LATS2: variants seen among roughly 807,000 people sequenced by gnomAD.
LATS2 encodes the protein large tumor suppressor kinase 2, also known as serine/threonine-protein kinase LATS2.
A neutral mutation model predicts 76.0 loss-of-function variants in LATS2; 24 were observed. The observed-to-expected ratio is 0.32, with a 90% CI of 0.23 to 0.44. The LOEUF (loss-of-function observed/expected upper bound fraction) is 0.44, where lower values mean the gene tolerates loss of function less well. Among genes scored for constraint, LATS2 ranks in the 20% least tolerant of loss-of-function variants. LATS2 has a pLI of 1.00. For synonymous variants in LATS2, 692 were observed against 635.4 expected (o/e 1.09, Z -1.34); for missense variants, 1,286 against 1,481.2 (o/e 0.87, Z 2.16).
intron 3 of LATS2, among the ~76,000 whole-genome samples, chr13:20,990,195 C>T (rs1870444024): frequency 6.6e-6 from 1 of 152,194 alleles, no homozygotes; most frequent in African/African-American, 2.4e-5. Context: ...ACACCAAAGG[C>T]AAGTGCAGAG....
intron 4 of LATS2, among the ~76,000 whole-genome samples, chr13:20,986,395 A>G (rs1165016553): frequency 1.3e-5 from 2 of 152,200 alleles, no homozygotes; most frequent in African/African-American, 4.8e-5. Flanking sequence ...ATGAACAGAT[A>G]AAGAAAATGT....
chr13:21,004,030 A>C (rs1317948465), intron 2 of LATS2, among the ~76,000 whole-genome samples: 2 of 152,262 alleles, frequency 1.3e-5, no homozygotes, highest in Non-Finnish European at 2.9e-5. Context: ...TTACTAGGTC[A>C]AATCTCCCTG....
chr13:21,004,260 C>A (rs1431650289), intron 2 of LATS2, among the ~76,000 whole-genome samples: 1 of 152,100 alleles, frequency 6.6e-6, no homozygotes, highest in African/African-American at 2.4e-5. Context: ...CATGGTGAAA[C>A]CCCGTCTCTG....
At chr13:21,026,187 T>C (rs1872305838) in intron 2 of LATS2, among the ~76,000 whole-genome samples, 1 of 152,164 alleles carries the variant, frequency 6.6e-6, no homozygotes, top group African/African-American at 2.4e-5. Context: ...GAAAGATGTA[T>C]ACACCAGTAA....
chr13:21,043,115 A>G (rs1308190349), intron 2 of LATS2, among the ~76,000 whole-genome samples: 2 of 152,162 alleles, frequency 1.3e-5, no homozygotes, highest in African/African-American at 2.4e-5. Flanking sequence ...AAGCAGGCAG[A>G]TCACTTGAGG....
intron 2 of LATS2, among the ~76,000 whole-genome samples, chr13:21,008,514 A>G (rs1871446980): frequency 6.6e-6 from 1 of 152,154 alleles, no homozygotes; most frequent in Admixed American, 6.5e-5. Flanking sequence ...TCTCCTGAAC[A>G]TTATGAACAT....
intron 2 of LATS2, among the ~76,000 whole-genome samples, chr13:21,030,363 G>A (rs1307720426): frequency 9.2e-5 from 14 of 151,836 alleles, no homozygotes; most frequent in Non-Finnish European, 2.1e-4. Flanking sequence ...GCCGACACGG[G>A]TGGATCACGA....
At chr13:20,982,766 C>T (rs1453699287) in intron 5 of LATS2, among the ~76,000 whole-genome samples, 1 of 150,956 alleles carries the variant, frequency 6.6e-6, no homozygotes. Context: ...CGGAGGCAGG[C>T]GGATCACCTG....
At chr13:20,999,962 G>A (rs988437404) in intron 2 of LATS2, among the ~76,000 whole-genome samples, 7 of 151,918 alleles carry the variant, frequency 4.6e-5, no homozygotes, top group South Asian at 4.2e-4. Flanking sequence ...CCTGGGAGGC[G>A]GAGGTTGCAG....
Position 20,988,083 on chromosome 13 carries a change from C to A in LATS2, c.1697G>T (p.Gly566Val). The change falls in exon 4 of 8, where the codon GGC (glycine) becomes GTC (valine). Residue 566 changes from glycine to valine, a missense_variant. Coordinates refer to ENST00000382592, the MANE Select transcript of LATS2 (RefSeq NM_014572.3). ...CTGAATCTGCTTTTTATCCTTTCCG[C>A]CTTTGTCCCCCTTGGCGCTTTTGCG... is the stretch of plus-strand genomic sequence containing the variant. ...KSRKSAKGDKGGKDKKQIQTS... is the reference protein window; with the variant it reads ...KSRKSAKGDKVGKDKKQIQTS... The A allele has an allele frequency of 6.2e-7, 1 of 1,614,284 alleles. No homozygotes were observed.
chr13:21,007,185 G>GT (rs1241475203), intron 2 of LATS2, among the ~76,000 whole-genome samples: 2 of 151,840 alleles, frequency 1.3e-5, no homozygotes, highest in African/African-American at 4.8e-5. Flanking sequence ...CATATTATGG[G>GT]TTTAATTTTT....
chr13:20,996,465 T>C (rs1195880894), intron 2 of LATS2, among the ~76,000 whole-genome samples: 3 of 151,078 alleles, frequency 2.0e-5, no homozygotes, highest in Non-Finnish European at 4.4e-5. Flanking sequence ...TGAAATTTCA[T>C]CTCCCAGATT....
chr13:20,989,417 C>G, intron 3 of LATS2, 113 bp from the exon 4 acceptor site: 1 of 1,121,126 alleles, frequency 8.9e-7, no homozygotes, highest in Non-Finnish European at 1.3e-6. Context: ...GGTCTTGAAC[C>G]CTGGGCCCTG....
chr13:21,015,919 G>C (rs1305109891), intron 2 of LATS2, among the ~76,000 whole-genome samples: 3 of 151,538 alleles, frequency 2.0e-5, no homozygotes, highest in Non-Finnish European at 4.4e-5. Context: ...GGCTGGTCTT[G>C]AACTCCTGAC....
At chr13:20,998,177 A>T (rs1457723561) in intron 2 of LATS2, among the ~76,000 whole-genome samples, 2 of 151,976 alleles carry the variant, frequency 1.3e-5, no homozygotes, top group South Asian at 4.2e-4. Flanking sequence ...CCTGGGCAAG[A>T]CCCGCATGTT....
intron 2 of LATS2, among the ~76,000 whole-genome samples, chr13:21,031,345 TATC>T (rs528547206): frequency 1.3e-3 from 192 of 152,342 alleles, no homozygotes; most frequent in Non-Finnish European, 2.4e-3. Context: ...GACAACCTCA[TATC>T]ATCCCACAAG....
In LATS2 at chr13:20,988,532, G is replaced by C. The variant is rs530064931; in HGVS notation, c.1248C>G (p.Pro416=). The change falls in exon 4 of 8, where the codon CCC becomes CCG. Residue 416 remains proline, a synonymous_variant. Coordinates refer to ENST00000382592, the MANE Select transcript of LATS2 (RefSeq NM_014572.3). ...TNSFNSHQPR[P]GPPGKAEPSL... Reference sequence around the variant, plus strand: ...AGGGCTCGGCCTTGCCAGGCGGACCGGGCCGCGGCTGGTGGCTGTTGAAGG... The same window carrying C: ...AGGGCTCGGCCTTGCCAGGCGGACCCGGCCGCGGCTGGTGGCTGTTGAAGG... 7.0e-6 allele frequency: 11 copies of C among 1,571,692 alleles called. No individual in the cohort carries two copies. The highest frequency in any genetic ancestry group is 2.3e-5 in the South Asian group (2 of 87,424).
Position 21,034,251 on chromosome 13 carries a change from C to CACAGCCAAGGTG in LATS2, c.342+11422_342+11433dup, listed in dbSNP as rs534477961. On this transcript the variant is annotated intron_variant, in intron 2 of 7. Transcript: ENST00000382592. The stretch of plus-strand genomic sequence containing the variant: ...AAGGTGCATGGTATGCCCTGGTTGA[C>CACAGCCAAGGTG]ACAGCCAAGGTGACACATGGCTACA... Among the ~76,000 whole-genome samples, 13 of 152,350 alleles carry CACAGCCAAGGTG rather than the reference C, an allele frequency of 8.5e-5. No individual in the cohort carries two copies. The South Asian group carries it at 2.7e-3, about 32-fold the overall frequency.
In LATS2 at chr13:21,056,522, A is replaced by G. The variant is rs1055432441; in HGVS notation, c.-205+4824T>C. Among the ~76,000 whole-genome samples, 4 of 152,302 alleles carry G rather than the reference A, an allele frequency of 2.6e-5. No homozygotes were observed. The East Asian group carries it at 7.7e-4, about 29-fold the overall frequency. The stretch of plus-strand genomic sequence containing the variant: ...AACAGAGTGACCAAGTTGCAGATAC[A>G]TTATTAGTTCTTTGCAGCTTTCCTA... On this transcript the variant is annotated intron_variant, in intron 1 of 7. Coordinates refer to ENST00000382592, the MANE Select transcript of LATS2 (RefSeq NM_014572.3).
Sources: allele counts gnomAD v4.1 joint callset (sites outside exome capture counted in the v4.1 genomes callset), GRCh38; gene constraint gnomAD v4.1.1; transcripts MANE v1.5; gene names NCBI Gene and HGNC (gene_info 2026-07-23, HGNC 2026-07-21).